ABCA1: variants seen among roughly 807,000 people sequenced by gnomAD.
ABCA1 encodes ATP binding cassette subfamily A member 1.
A neutral mutation model predicts 262.5 loss-of-function variants in ABCA1; 133 were observed. That is an observed-to-expected ratio of 0.51 (90% CI 0.44 to 0.59). ABCA1 has a LOEUF of 0.59. Ranked by LOEUF, ABCA1 falls within the 20% of genes least tolerant of loss-of-function variation. The pLI, the probability that ABCA1 is intolerant of heterozygous loss-of-function variation, is 0.00. For synonymous variants in ABCA1, 1,022 were observed against 1,043.5 expected (o/e 0.98, Z 0.40); for missense variants, 2,452 against 2,777.5 (o/e 0.88, Z 2.63).
chr9:104,897,932 T>C (rs1588542542), intron 2 of ABCA1, among the ~76,000 whole-genome samples: 1 of 152,172 alleles, frequency 6.6e-6, no homozygotes, highest in Admixed American at 6.5e-5. Flanking sequence ...TCTCTTCATC[T>C]GTGAAACAGA....
intron 20 of ABCA1, among the ~76,000 whole-genome samples, chr9:104,820,709 C>T (rs1375223516): frequency 6.6e-6 from 1 of 152,156 alleles, no homozygotes; most frequent in Non-Finnish European, 1.5e-5. Context: ...TACCAGGGCC[C>T]TGAAGCACTA....
At chr9:104,921,977 G>A (rs1281276028) in intron 1 of ABCA1, among the ~76,000 whole-genome samples, 2 of 152,170 alleles carry the variant, frequency 1.3e-5, no homozygotes, top group Non-Finnish European at 2.9e-5. Flanking sequence ...GGGAAGGAGT[G>A]GATCCAGAAG....
At chr9:104,815,133 G>A (rs942630685) in intron 25 of ABCA1, among the ~76,000 whole-genome samples, 1 of 152,230 alleles carries the variant, frequency 6.6e-6, no homozygotes, top group Non-Finnish European at 1.5e-5. Context: ...CTAGTACTAT[G>A]ATAAGTTATC....
chr9:104,870,070 C>A (rs1238433472), intron 5 of ABCA1, among the ~76,000 whole-genome samples: 2 of 152,278 alleles, frequency 1.3e-5, no homozygotes, highest in South Asian at 4.1e-4. Context: ...CCAAGAGAAA[C>A]CAGGATATTT....
Position 104,798,508 on chromosome 9 carries a change from C to T in ABCA1, c.5034G>A (p.Gln1678=), listed in dbSNP as rs13306075. ...GGTGTTTTGCTTTGCTGACCCGCTCCTGGATCAGGAATACGACAAAGCTGG... is the reference window on the plus strand; with the variant it reads ...GGTGTTTTGCTTTGCTGACCCGCTCTTGGATCAGGAATACGACAAAGCTGG... ...VPASFVVFLI[Q]ERVSKAKHLQ... The change falls in exon 37 of 50, where the codon CAG becomes CAA. Residue 1678 remains glutamine, a synonymous_variant. Transcript: ENST00000374736. 288 of 1,614,126 alleles carry T rather than the reference C, an allele frequency of 1.8e-4. 1 individual carries two copies. In the East Asian group the frequency reaches 5.9e-3, roughly 33 times the overall value.
intron 2 of ABCA1, among the ~76,000 whole-genome samples, chr9:104,900,540 C>T (rs1464875120): frequency 2.6e-5 from 4 of 152,198 alleles, no homozygotes; most frequent in Non-Finnish European, 5.9e-5. Context: ...GAGGTTCTGA[C>T]GTCTAAACAA....
At chr9:104,802,017 C>T (rs1468247420) in intron 34 of ABCA1, 37 bp downstream of exon 34, 15 of 1,589,266 alleles carry the variant, frequency 9.4e-6, no homozygotes, top group Non-Finnish European at 1.2e-5. Context: ...CAGCTACATG[C>T]CCATTTTTCT....
At chr9:104,849,660 A>G (rs535735845) in intron 7 of ABCA1, among the ~76,000 whole-genome samples, 2 of 152,350 alleles carry the variant, frequency 1.3e-5, no homozygotes, top group South Asian at 4.1e-4. Flanking sequence ...TTCTACATCA[A>G]GTTTAAAGCT....
intron 7 of ABCA1, among the ~76,000 whole-genome samples, chr9:104,853,416 G>A (rs751018513): frequency 6.6e-6 from 1 of 152,160 alleles, no homozygotes; most frequent in African/African-American, 2.4e-5. Context: ...GGAGCTGGTC[G>A]AGAGGTCATC....
chr9:104,868,902 CG>C (rs1268194354), intron 5 of ABCA1, among the ~76,000 whole-genome samples: 2 of 151,190 alleles, frequency 1.3e-5, no homozygotes, highest in African/African-American at 4.9e-5. Context: ...GGGTATGACG[CG>C]GGGTGGGGGC....
At chr9:104,829,845 T>C (rs1015427105) in intron 14 of ABCA1, among the ~76,000 whole-genome samples, 11 of 151,892 alleles carry the variant, frequency 7.2e-5, no homozygotes, top group African/African-American at 2.7e-4. Context: ...TCTGGTGACC[T>C]TGAAAAGCTA....
chr9:104,854,471 T>C (rs1588413323), intron 7 of ABCA1, among the ~76,000 whole-genome samples: 1 of 151,540 alleles, frequency 6.6e-6, no homozygotes, highest in African/African-American at 2.4e-5. Flanking sequence ...AAAAAAAAAG[T>C]ACAATCGGAA....
chr9:104,816,234 C>G lies in ABCA1; in HGVS notation c.3647G>C (p.Gly1216Ala), dbSNP rs562403512. The G allele has an allele frequency of 6.2e-7, 1 of 1,614,184 alleles. No homozygotes were observed. Among genetic ancestry groups the G allele is most frequent in the Non-Finnish European group, 8.5e-7 (1 of 1,180,040 alleles). ...YVLPYEAAKE[G>A]AFVELFHEID... ...CTCATGAAAGAGTTCCACAAAGGCTCCCTCCTTAGCAGCTTCATATGGCAG... is the reference window on the plus strand; with the variant it reads ...CTCATGAAAGAGTTCCACAAAGGCTGCCTCCTTAGCAGCTTCATATGGCAG... The change falls in exon 25 of 50, where the codon GGA (glycine) becomes GCA (alanine). Residue 1216 changes from glycine to alanine, a missense_variant. This residue lies in a region of ABCA1 where 665 missense variants were observed against 727.3 expected (regional missense o/e 0.91). Transcript: ENST00000374736.
At chr9:104,868,172 C>T (rs1837256771) in intron 5 of ABCA1, among the ~76,000 whole-genome samples, 2 of 152,074 alleles carry the variant, frequency 1.3e-5, no homozygotes, top group African/African-American at 4.8e-5. Context: ...CCAGCCTGAC[C>T]AACATGAAGA....
At chr9:104,879,902 C>G (rs1043074356) in intron 5 of ABCA1, among the ~76,000 whole-genome samples, 1 of 152,148 alleles carries the variant, frequency 6.6e-6, no homozygotes, top group Non-Finnish European at 1.5e-5. Flanking sequence ...GGAGGAAAAA[C>G]ATTCCATAAG....
At chr9:104,851,102 G>T (rs1835337991) in intron 7 of ABCA1, among the ~76,000 whole-genome samples, 1 of 152,108 alleles carries the variant, frequency 6.6e-6, no homozygotes, top group Non-Finnish European at 1.5e-5. Flanking sequence ...TAAAAGCATG[G>T]CATTCTGTGA....
At chr9:104,927,009 C>T (rs1588612398) in intron 1 of ABCA1, among the ~76,000 whole-genome samples, 1 of 151,878 alleles carries the variant, frequency 6.6e-6, no homozygotes, top group African/African-American at 2.4e-5. Flanking sequence ...GTCGAGGGTT[C>T]GAGACCAGCC....
At chr9:104,894,591 A>G (rs970925876) in intron 2 of ABCA1, among the ~76,000 whole-genome samples, 3 of 152,216 alleles carry the variant, frequency 2.0e-5, no homozygotes, top group Non-Finnish European at 1.5e-5. Context: ...CAAAGAGTTA[A>G]TACACTGCCC....
At chr9:104,819,458 C>T in intron 22 of ABCA1, 128 bp downstream of exon 22, 1 of 1,340,260 alleles carries the variant, frequency 7.5e-7, no homozygotes, top group Non-Finnish European at 1.1e-6. Context: ...TGCCCTTTAT[C>T]TCTTCTGTGA....
Sources: allele counts gnomAD v4.1 joint callset (sites outside exome capture counted in the v4.1 genomes callset), GRCh38; gene constraint gnomAD v4.1.1; regional missense constraint gnomAD v4.1.1; transcripts MANE v1.5; gene names NCBI Gene and HGNC (gene_info 2026-07-23, HGNC 2026-07-21).